Variants in NPFFR2 observed in about 807,000 individuals in gnomAD.
The protein encoded by NPFFR2 is G-protein coupled receptor 74.
NPFFR2 carries 15 observed loss-of-function variants against 13.1 expected under a neutral mutation model. The observed-to-expected ratio is 1.15, with a 90% confidence interval of 0.77 to 1.76. The LOEUF (loss-of-function observed/expected upper bound fraction) is 1.76. Among genes scored for constraint, NPFFR2 ranks in the 40% most tolerant of loss-of-function variants. The pLI, the probability that NPFFR2 is intolerant of heterozygous loss-of-function variation, is 0.00. For synonymous variants in NPFFR2, 190 were observed against 175.7 expected (o/e 1.08, Z -0.65); for missense variants, 572 against 503.5 (o/e 1.14, Z -1.30).
In NPFFR2 at chr4:72,123,345, A is replaced by G. The variant is rs185783347; in HGVS notation, c.-7-5240A>G. 2.6e-5 allele frequency among the ~76,000 whole-genome samples: 4 copies of G among 152,318 alleles called. No individual in the cohort carries two copies. The East Asian group carries it at 7.7e-4, about 29-fold the overall frequency. On this transcript the variant is annotated intron_variant, in intron 1 of 3. Coordinates refer to ENST00000308744, the MANE Select transcript of NPFFR2 (RefSeq NM_004885.3). Reference sequence around the variant, plus strand: ...GAATTCTACCAGAGGTACAAAGAGGAGCTGGTACCGTTACTTCTGAAACTC... The same window carrying G: ...GAATTCTACCAGAGGTACAAAGAGGGGCTGGTACCGTTACTTCTGAAACTC...
chr4:72,103,097 T>G (rs1721305600), intron 1 of NPFFR2, among the ~76,000 whole-genome samples: 1 of 152,196 alleles, frequency 6.6e-6, no homozygotes, highest in Non-Finnish European at 1.5e-5. Flanking sequence ...CATTGTGGTT[T>G]TGATTTGCAT....
intron 1 of NPFFR2, among the ~76,000 whole-genome samples, chr4:72,076,000 CACACACAGAGAGAGAGAGAG>C (rs879319451): frequency 0.12 from 2,685 of 22,498 alleles, 54 homozygotes; most frequent in Non-Finnish European, 0.24. Flanking sequence ...CACACACACA[CACACACAGAGAGAGAGAGAG>C]GGCAGACAGC....
chr4:72,068,039 A>G (rs1720126022), intron 1 of NPFFR2, among the ~76,000 whole-genome samples: 2 of 152,158 alleles, frequency 1.3e-5, no homozygotes, highest in Admixed American at 6.5e-5. Flanking sequence ...ATTTACTTCA[A>G]AAGTTTTCCA....
At chr4:72,081,846 A>C (rs1720633357) in intron 1 of NPFFR2, among the ~76,000 whole-genome samples, 1 of 152,158 alleles carries the variant, frequency 6.6e-6, no homozygotes, top group African/African-American at 2.4e-5. Context: ...AGTTTTACAG[A>C]GGTTTAGAGT....
chr4:72,053,622 T>C (rs1314877784), intron 1 of NPFFR2, among the ~76,000 whole-genome samples: 1 of 151,932 alleles, frequency 6.6e-6, no homozygotes, highest in East Asian at 1.9e-4. Flanking sequence ...ATACAATTAT[T>C]ATTTGTAAAT....
intron 1 of NPFFR2, among the ~76,000 whole-genome samples, chr4:72,078,523 T>A (rs1266153420): frequency 6.6e-6 from 1 of 152,162 alleles, no homozygotes; most frequent in Non-Finnish European, 1.5e-5. Flanking sequence ...TCTATCAAAA[T>A]GCACACAAGG....
chr4:72,114,648 C>T (rs986953532), intron 1 of NPFFR2, among the ~76,000 whole-genome samples: 6 of 152,004 alleles, frequency 3.9e-5, no homozygotes, highest in Admixed American at 3.3e-4. Context: ...AATGTAAAAG[C>T]TTTTTCATCA....
intron 1 of NPFFR2, among the ~76,000 whole-genome samples, chr4:72,046,948 G>A (rs1424382218): frequency 2.6e-5 from 4 of 152,178 alleles, no homozygotes; most frequent in Non-Finnish European, 5.9e-5. Context: ...AAGACCTTGA[G>A]TGAATTGTAC....
chr4:72,041,986 TTAAC>T (rs1483604935), intron 1 of NPFFR2, among the ~76,000 whole-genome samples: 1 of 152,234 alleles, frequency 6.6e-6, no homozygotes, highest in Non-Finnish European at 1.5e-5. Context: ...GCTCTTTAGT[TTAAC>T]TAGAGTCTCA....
chr4:72,090,531 T>C (rs139134166), intron 1 of NPFFR2, among the ~76,000 whole-genome samples: 1 of 152,130 alleles, frequency 6.6e-6, no homozygotes, highest in African/African-American at 2.4e-5. Flanking sequence ...CTTGTAGAGA[T>C]CTCTCACCCC....
intron 1 of NPFFR2, among the ~76,000 whole-genome samples, chr4:72,047,946 A>G (rs1719423535): frequency 6.6e-6 from 1 of 152,136 alleles, no homozygotes; most frequent in Admixed American, 6.6e-5. Context: ...GACTGTGGGC[A>G]AGGAGTAAAG....
chr4:72,143,001 A>G (rs1051513901), intron 3 of NPFFR2, among the ~76,000 whole-genome samples: 5 of 152,308 alleles, frequency 3.3e-5, no homozygotes, highest in African/African-American at 1.2e-4. Context: ...AATTCTACCT[A>G]TTAGGACAGG....
intron 3 of NPFFR2, 125 bp from the exon 4 acceptor site, chr4:72,146,853 G>A: frequency 3.0e-6 from 2 of 671,520 alleles, no homozygotes; most frequent in Non-Finnish European, 5.2e-6. Flanking sequence ...ACTACAAATG[G>A]TAACTTTCTA....
At chr4:72,107,540 C>T (rs1158513769) in intron 1 of NPFFR2, among the ~76,000 whole-genome samples, 1 of 151,790 alleles carries the variant, frequency 6.6e-6, no homozygotes. Context: ...GAGTAGCTAC[C>T]TCACAGGATT....
Position 72,141,205 on chromosome 4 carries a change from A to G in NPFFR2, c.428+3066A>G, listed in dbSNP as rs188465320. On this transcript the variant is annotated intron_variant, in intron 3 of 3. Transcript: ENST00000308744. ...TCAATTTTGTTGATCTTTAAAAAAA[A>G]ACCAGCTCCTGGATTCATTAATTTT... Among the ~76,000 whole-genome samples, 25 of 152,086 alleles carry G rather than the reference A, an allele frequency of 1.6e-4. No homozygotes were observed. The East Asian group carries it at 4.1e-3, about 25-fold the overall frequency.
At position 72,107,267 on chromosome 4, in the gene NPFFR2, G is replaced by A. The variant is rs75741107; in HGVS notation, c.-7-21318G>A. Among the ~76,000 whole-genome samples the A allele has an allele frequency of 1.1e-3, 163 of 150,890 alleles. 2 individuals carry two copies. The East Asian group carries it at 0.027, about 25-fold the overall frequency. On this transcript the variant is annotated intron_variant, in intron 1 of 3. Transcript: ENST00000308744. ...GCAGGGTGGGGGAGTACTTTTTTGT[G>A]TATTATAAAAGTTAGCATAAAATTA... is the stretch of plus-strand genomic sequence containing the variant.
intron 1 of NPFFR2, among the ~76,000 whole-genome samples, chr4:72,061,870 G>A (rs1719931012): frequency 6.6e-6 from 1 of 151,984 alleles, no homozygotes; most frequent in Non-Finnish European, 1.5e-5. Flanking sequence ...GTTGATAGGT[G>A]CAGCGACCAC....
At chr4:72,145,358 A>G (rs1343609239) in intron 3 of NPFFR2, among the ~76,000 whole-genome samples, 2 of 150,456 alleles carry the variant, frequency 1.3e-5, no homozygotes, top group East Asian at 3.9e-4. Context: ...GTACTTTTAT[A>G]TTTGTTCATT....
intron 1 of NPFFR2, among the ~76,000 whole-genome samples, chr4:72,062,440 T>C (rs534118138): frequency 6.6e-6 from 1 of 152,092 alleles, no homozygotes; most frequent in Admixed American, 6.6e-5. Context: ...TGCAACTTAA[T>C]CAATTAAACT....
Sources: allele counts gnomAD v4.1 joint callset (sites outside exome capture counted in the v4.1 genomes callset), GRCh38; gene constraint gnomAD v4.1.1; transcripts MANE v1.5; gene names NCBI Gene and HGNC (gene_info 2026-07-23, HGNC 2026-07-21).